The following CNBD1 variants were observed in gnomAD, a reference collection of about 807,000 sequenced individuals.
CNBD1 encodes the protein cyclic nucleotide binding domain containing 1.
A neutral mutation model predicts 54.4 loss-of-function variants in CNBD1; 71 were observed. That is an observed-to-expected ratio of 1.30 (90% CI 1.08 to 1.59). The LOEUF is 1.59. CNBD1 is among the 40% of genes most tolerant of loss of function. The pLI is 0.00. For synonymous variants in CNBD1, 182 were observed against 170.7 expected (o/e 1.07, Z -0.51); for missense variants, 659 against 518.0 (o/e 1.27, Z -2.64).
intron 1 of CNBD1, among the ~76,000 whole-genome samples, chr8:86,874,985 T>TA (rs1563806889): frequency 5.5e-4 from 45 of 82,274 alleles, no homozygotes; most frequent in African/African-American, 1.6e-3. Context: ...TGTAAATCAA[T>TA]TTATATATAT....
chr8:87,290,375 C>G (rs113934670), intron 8 of CNBD1, among the ~76,000 whole-genome samples: 29 of 152,176 alleles, frequency 1.9e-4, no homozygotes, highest in African/African-American at 5.5e-4. Flanking sequence ...AGTTCAATAT[C>G]AGTTTTCTCC....
chr8:87,389,231 G>C lies in CNBD1; in HGVS notation c.213+35445G>C, dbSNP rs188850793. Among the ~76,000 whole-genome samples, 1,079 of 152,282 alleles carry C rather than the reference G, an allele frequency of 7.1e-3. 4 individuals are homozygous for C. Among genetic ancestry groups the C allele is most frequent in the Non-Finnish European group, 0.012 (818 of 68,032 alleles). ...TCTCTCACCGCTGCTATTCAACATAGTGTTGGAAGTTCTGGCCAGGGCAAT... is the reference window on the plus strand; with the variant it reads ...TCTCTCACCGCTGCTATTCAACATACTGTTGGAAGTTCTGGCCAGGGCAAT... On this transcript the variant is annotated intron_variant, in intron 2 of 7. Coordinates refer to the CNBD1 transcript ENST00000521593.
At chr8:87,049,444 G>C (rs1031245979) in intron 4 of CNBD1, among the ~76,000 whole-genome samples, 3 of 152,116 alleles carry the variant, frequency 2.0e-5, no homozygotes, top group African/African-American at 7.2e-5. Flanking sequence ...AGAGCAACTA[G>C]CTCAGCTAGT....
chr8:87,379,556 A>G (rs1208649552), intron 10 of CNBD1, among the ~76,000 whole-genome samples: 1 of 152,022 alleles, frequency 6.6e-6, no homozygotes, highest in Non-Finnish European at 1.5e-5. Flanking sequence ...TTTAAAAAAA[A>G]TCCATGAGAA....
intron 4 of CNBD1, among the ~76,000 whole-genome samples, chr8:87,020,237 A>ATT (rs1202930894): frequency 1.6e-4 from 25 of 151,898 alleles, no homozygotes; most frequent in Non-Finnish European, 3.5e-4. Flanking sequence ...TTTTAAACAA[A>ATT]CCCTAGGCCT....
chr8:87,321,780 C>G (rs975545430), intron 8 of CNBD1, among the ~76,000 whole-genome samples: 1 of 145,622 alleles, frequency 6.9e-6, no homozygotes, highest in South Asian at 2.1e-4. Context: ...CCAATGTCAT[C>G]AGGCTTTTTT....
chr8:87,236,153 T>C (rs1226923584), intron 5 of CNBD1, among the ~76,000 whole-genome samples: 1 of 152,138 alleles, frequency 6.6e-6, no homozygotes, highest in African/African-American at 2.4e-5. Flanking sequence ...CTGACAGCAC[T>C]TGAGTAATTT....
intron 4 of CNBD1, among the ~76,000 whole-genome samples, chr8:87,149,614 T>C (rs1812560826): frequency 6.6e-6 from 1 of 152,106 alleles, no homozygotes; most frequent in Admixed American, 6.5e-5. Flanking sequence ...GTATCTTGAC[T>C]CTCTTGAGCA....
At chr8:87,368,351 G>C (rs1413979297) in intron 10 of CNBD1, among the ~76,000 whole-genome samples, 1 of 151,942 alleles carries the variant, frequency 6.6e-6, no homozygotes, top group Non-Finnish European at 1.5e-5. Context: ...TAATAAAAAA[G>C]TAGATTGGGC....
intron 4 of CNBD1, among the ~76,000 whole-genome samples, chr8:87,141,576 C>T (rs1169875617): frequency 2.0e-5 from 3 of 152,020 alleles, no homozygotes; most frequent in African/African-American, 4.8e-5. Flanking sequence ...TCCAAGTCCT[C>T]TTAAGTACAG....
At chr8:86,994,655 A>T (rs1418589014) in intron 4 of CNBD1, among the ~76,000 whole-genome samples, 1 of 151,950 alleles carries the variant, frequency 6.6e-6, no homozygotes, top group Admixed American at 6.6e-5. Flanking sequence ...CCCAGAATCC[A>T]TTCAGGGCTG....
intron 3 of CNBD1, among the ~76,000 whole-genome samples, chr8:86,924,178 G>A (rs944028834): frequency 5.9e-5 from 9 of 152,108 alleles, no homozygotes; most frequent in Non-Finnish European, 1.3e-4. Context: ...TACTTGAGAA[G>A]TTTGCAATGA....
intron 2 of CNBD1, among the ~76,000 whole-genome samples, chr8:87,403,711 T>C (rs571402489): frequency 8.3e-4 from 127 of 152,148 alleles, no homozygotes; most frequent in Admixed American, 2.6e-3. Flanking sequence ...CAGTTACTAC[T>C]ACTACCGAGA....
chr8:87,408,903 A>G (rs1041254926), intron 2 of CNBD1, among the ~76,000 whole-genome samples: 1 of 151,416 alleles, frequency 6.6e-6, no homozygotes, highest in African/African-American at 2.4e-5. Flanking sequence ...ATGTGTTTTG[A>G]CTCCCTCACC....
intron 4 of CNBD1, among the ~76,000 whole-genome samples, chr8:87,173,429 G>T (rs1239677870): frequency 1.3e-5 from 2 of 152,030 alleles, no homozygotes; most frequent in African/African-American, 4.8e-5. Context: ...TTTTCTTTCT[G>T]ATTGAAGTAC....
At chr8:86,942,094 T>C (rs970792001) in intron 4 of CNBD1, among the ~76,000 whole-genome samples, 10 of 152,184 alleles carry the variant, frequency 6.6e-5, no homozygotes, top group Admixed American at 2.0e-4. Flanking sequence ...TGTTTAATAT[T>C]AACAGAAAGC....
chr8:87,204,353 C>G (rs1813925507), intron 4 of CNBD1, among the ~76,000 whole-genome samples: 1 of 152,130 alleles, frequency 6.6e-6, no homozygotes, highest in Non-Finnish European at 1.5e-5. Context: ...TTAAGGCCTT[C>G]TGAAAAGGTA....
At chr8:87,092,583 A>G (rs1480459872) in intron 4 of CNBD1, among the ~76,000 whole-genome samples, 1 of 150,738 alleles carries the variant, frequency 6.6e-6, no homozygotes, top group African/African-American at 2.5e-5. Flanking sequence ...GTGTATATAT[A>G]TATGTATTTC....
downstream of CNBD1, among the ~76,000 whole-genome samples, chr8:87,386,351 G>A (rs2130964465): frequency 6.6e-6 from 1 of 152,088 alleles, no homozygotes; most frequent in Admixed American, 6.5e-5. Context: ...TGGCAAAGAA[G>A]TTAAAAACCT....
Sources: allele counts gnomAD v4.1 joint callset (sites outside exome capture counted in the v4.1 genomes callset), GRCh38; gene constraint gnomAD v4.1.1; transcripts MANE v1.5; gene names NCBI Gene and HGNC (gene_info 2026-07-23, HGNC 2026-07-21).